The following CALN1 variants were observed in gnomAD, a reference collection of about 807,000 sequenced individuals.
CALN1 encodes the protein calneuron 1.
CALN1 carries 17 observed loss-of-function variants against 30.6 expected under a neutral mutation model. The ratio of observed to expected loss-of-function variants is 0.56; its 90% CI spans 0.38 to 0.83. The LOEUF (loss-of-function observed/expected upper bound fraction) is 0.83, where lower values mean the gene tolerates loss of function less well. Ranked by LOEUF, CALN1 falls within the 40% of genes least tolerant of loss-of-function variation. The probability of loss-of-function intolerance (pLI) is 0.00; values close to 1 mark genes in which losing one functional copy is unlikely to be tolerated. For synonymous variants in CALN1, 156 were observed against 131.4 expected (o/e 1.19, Z -1.28); for missense variants, 291 against 354.9 (o/e 0.82, Z 1.45).
At chr7:72,222,868 C>G (rs1793406707) in intron 3 of CALN1, among the ~76,000 whole-genome samples, 1 of 151,840 alleles carries the variant, frequency 6.6e-6, no homozygotes, top group Admixed American at 6.6e-5. Context: ...CAAAACCATA[C>G]AAATTATTCA....
chr7:71,846,532 G>A (rs990481303), intron 5 of CALN1, among the ~76,000 whole-genome samples: 4 of 151,970 alleles, frequency 2.6e-5, no homozygotes, highest in Admixed American at 6.6e-5. Flanking sequence ...ATGTGTGCGC[G>A]TGCGTGTGTG....
intron 3 of CALN1, among the ~76,000 whole-genome samples, chr7:72,151,048 T>C (rs1480017445): frequency 2.0e-5 from 3 of 152,140 alleles, no homozygotes; most frequent in Non-Finnish European, 4.4e-5. Context: ...CCTGGTTAGA[T>C]TCTCACAAGC....
chr7:72,130,390 A>C (rs1809055357), intron 3 of CALN1, among the ~76,000 whole-genome samples: 1 of 152,192 alleles, frequency 6.6e-6, no homozygotes. Flanking sequence ...TGTGCATCAA[A>C]TGTTTACCAT....
chr7:72,106,433 G>A, intron 3 of CALN1, 139 bp from the exon 4 acceptor site: 1 of 976,332 alleles, frequency 1.0e-6, no homozygotes, highest in Non-Finnish European at 1.5e-6. Context: ...AGATAAAAGG[G>A]AGGACAGAAG....
chr7:71,930,479 A>T (rs767776280), intron 5 of CALN1, among the ~76,000 whole-genome samples: 2 of 152,206 alleles, frequency 1.3e-5, no homozygotes, highest in Non-Finnish European at 2.9e-5. Flanking sequence ...TTATAAAGCT[A>T]TATGATTTGC....
intron 5 of CALN1, among the ~76,000 whole-genome samples, chr7:71,970,323 C>T (rs79439522): frequency 0.053 from 8,118 of 152,246 alleles, 517 homozygotes; most frequent in African/African-American, 0.16. Context: ...CAAGACTTAA[C>T]AGTTACTTAA....
chr7:72,480,764 C>T, the CALN1 span, among the ~76,000 whole-genome samples: 6 of 152,154 alleles, frequency 3.9e-5, no homozygotes, highest in South Asian at 1.2e-3. Flanking sequence ...TGATAGCTTA[C>T]ATCTTCCAAA....
chr7:72,270,092 C>T (rs1227540289), intron 3 of CALN1, among the ~76,000 whole-genome samples: 1 of 149,618 alleles, frequency 6.7e-6, no homozygotes, highest in Non-Finnish European at 1.5e-5. Flanking sequence ...TGGGTGTTTC[C>T]GTGTGTGTGT....
At chr7:72,328,408 C>T (rs1801433363) in intron 2 of CALN1, among the ~76,000 whole-genome samples, 1 of 152,212 alleles carries the variant, frequency 6.6e-6, no homozygotes, top group Non-Finnish European at 1.5e-5. Flanking sequence ...TCATGGAAGA[C>T]ATCCTCTTGC....
intron 3 of CALN1, among the ~76,000 whole-genome samples, chr7:72,244,473 T>C (rs1322042787): frequency 2.0e-5 from 3 of 151,872 alleles, no homozygotes; most frequent in Non-Finnish European, 4.4e-5. Context: ...GGAACTAAAA[T>C]ATATAAACAA....
At chr7:72,453,683 C>A in the CALN1 span, among the ~76,000 whole-genome samples, 1 of 152,190 alleles carries the variant, frequency 6.6e-6, no homozygotes, top group African/African-American at 2.4e-5. Flanking sequence ...TGAAACATCT[C>A]ATGTGGATTT....
intron 3 of CALN1, among the ~76,000 whole-genome samples, chr7:72,245,073 G>T (rs912406331): frequency 6.6e-6 from 1 of 152,140 alleles, no homozygotes; most frequent in African/African-American, 2.4e-5. Flanking sequence ...AACATCGTAG[G>T]TGATGAGTTC....
Position 72,411,267 on chromosome 7 carries a change from G to GT in CALN1, c.-74+790dup, listed in dbSNP as rs546306169. On this transcript the variant is annotated intron_variant, in intron 1 of 6. Coordinates refer to ENST00000395275, the MANE Select transcript of CALN1 (RefSeq NM_031468.4). ...TAATGGCTTAACTACAGAGAAAACCGTTTTTTTCAAGTTACTTTAGAACAT... is the reference window on the plus strand; with the variant it reads ...TAATGGCTTAACTACAGAGAAAACCGTTTTTTTTCAAGTTACTTTAGAACAT... Among the ~76,000 whole-genome samples, 23 of 152,080 alleles carry GT rather than the reference G, an allele frequency of 1.5e-4. No individual in the cohort carries two copies. In the East Asian group the frequency reaches 2.3e-3, roughly 15 times the overall value.
chr7:72,392,255 A>G (rs186273561), intron 2 of CALN1, among the ~76,000 whole-genome samples: 1 of 152,340 alleles, frequency 6.6e-6, no homozygotes, highest in Admixed American at 6.5e-5. Flanking sequence ...TCTCCAACAG[A>G]GGTACCAGAC....
chr7:71,829,920 AG>A (rs1789158556), intron 5 of CALN1, among the ~76,000 whole-genome samples: 1 of 152,224 alleles, frequency 6.6e-6, no homozygotes, highest in African/African-American at 2.4e-5. Flanking sequence ...GAAACAGACA[AG>A]CATGTATTAC....
chr7:72,348,999 C>T (rs1454781296), intron 2 of CALN1, among the ~76,000 whole-genome samples: 1 of 151,714 alleles, frequency 6.6e-6, no homozygotes, highest in Non-Finnish European at 1.5e-5. Context: ...AAATTGTGAA[C>T]AATAAAGGAA....
At chr7:72,279,660 A>G (rs749824577) in intron 2 of CALN1, among the ~76,000 whole-genome samples, 10 of 152,236 alleles carry the variant, frequency 6.6e-5, no homozygotes, top group Non-Finnish European at 1.0e-4. Context: ...AGGACAGCAA[A>G]GACAATGGAA....
chr7:72,070,671 G>A (rs1804327997), intron 4 of CALN1, among the ~76,000 whole-genome samples: 1 of 152,284 alleles, frequency 6.6e-6, no homozygotes, highest in East Asian at 1.9e-4. Flanking sequence ...AGGCAAAAGG[G>A]ACCACAAGGT....
chr7:72,388,047 G>C (rs1805347977), intron 2 of CALN1, among the ~76,000 whole-genome samples: 1 of 152,062 alleles, frequency 6.6e-6, no homozygotes, highest in Non-Finnish European at 1.5e-5. Flanking sequence ...TGTGGGTTTT[G>C]CCATTGACTT....
Sources: allele counts gnomAD v4.1 joint callset (sites outside exome capture counted in the v4.1 genomes callset), GRCh38; gene constraint gnomAD v4.1.1; transcripts MANE v1.5; gene names NCBI Gene and HGNC (gene_info 2026-07-23, HGNC 2026-07-21).